GPC5: variants seen among roughly 807,000 people sequenced by gnomAD.
The protein encoded by GPC5 is glypican 5, also known as glypican-5.
GPC5 carries 47 observed loss-of-function variants against 53.9 expected under a neutral mutation model. The observed-to-expected ratio is 0.87, with a 90% confidence interval of 0.69 to 1.11. The LOEUF (loss-of-function observed/expected upper bound fraction) is 1.11. Among genes scored for constraint, GPC5 ranks in the 50% most tolerant of loss-of-function variants. The pLI, the probability that GPC5 is intolerant of heterozygous loss-of-function variation, is 0.00. For synonymous variants in GPC5, 286 were observed against 263.3 expected (o/e 1.09, Z -0.84); for missense variants, 748 against 713.1 (o/e 1.05, Z -0.56).
At chr13:91,915,030 T>C (rs2039645298) in intron 6 of GPC5, among the ~76,000 whole-genome samples, 1 of 152,164 alleles carries the variant, frequency 6.6e-6, no homozygotes. Context: ...ATAGACTCTT[T>C]CCCTTCTTTG....
intron 7 of GPC5, among the ~76,000 whole-genome samples, chr13:92,266,083 G>A (rs747366095): frequency 1.3e-5 from 2 of 152,138 alleles, no homozygotes; most frequent in African/African-American, 2.4e-5. Context: ...TAGCCTAATT[G>A]CCTCTCATTA....
chr13:91,563,368 T>C (rs1339385580), intron 2 of GPC5, among the ~76,000 whole-genome samples: 1 of 152,122 alleles, frequency 6.6e-6, no homozygotes, highest in Non-Finnish European at 1.5e-5. Flanking sequence ...TTCCGTGTAG[T>C]AGCAATTAAA....
At chr13:92,795,186 T>TA (rs772457873) in intron 7 of GPC5, among the ~76,000 whole-genome samples, 1 of 151,850 alleles carries the variant, frequency 6.6e-6, no homozygotes, top group Non-Finnish European at 1.5e-5. Context: ...ACAAAACAGA[T>TA]ATATAGACCA....
intron 1 of GPC5, among the ~76,000 whole-genome samples, chr13:91,434,959 G>A (rs1190474225): frequency 6.6e-6 from 1 of 152,248 alleles, no homozygotes; most frequent in East Asian, 1.9e-4. Flanking sequence ...ATTGTGAATG[G>A]GAGTTCACTC....
chr13:92,518,535 T>C (rs1017996347), intron 7 of GPC5, among the ~76,000 whole-genome samples: 1 of 152,076 alleles, frequency 6.6e-6, no homozygotes, highest in African/African-American at 2.4e-5. Flanking sequence ...CTAAGCTTCA[T>C]AAGTGAAGGA....
intron 7 of GPC5, among the ~76,000 whole-genome samples, chr13:92,770,156 G>A (rs763043839): frequency 6.6e-6 from 1 of 152,122 alleles, no homozygotes; most frequent in Non-Finnish European, 1.5e-5. Flanking sequence ...GCCCATGCCT[G>A]TAATCCCAGC....
At position 91,829,371 on chromosome 13, in the gene GPC5, C is replaced by T. The variant is rs559440258; in HGVS notation, c.1280+72951C>T. 4.1e-4 allele frequency among the ~76,000 whole-genome samples: 63 copies of T among 151,988 alleles called. No homozygotes were observed. The East Asian group carries it at 7.8e-3, about 19-fold the overall frequency. On this transcript the variant is annotated intron_variant, in intron 5 of 7. Coordinates refer to ENST00000377067, the MANE Select transcript of GPC5 (RefSeq NM_004466.6). ...GGCAACTAAATGCAGGAACATGGACCGGATTCAAGACTGGATCCTGTACTG... is the reference window on the plus strand; with the variant it reads ...GGCAACTAAATGCAGGAACATGGACTGGATTCAAGACTGGATCCTGTACTG...
chr13:92,796,362 G>T (rs1259451599), intron 7 of GPC5, among the ~76,000 whole-genome samples: 1 of 151,972 alleles, frequency 6.6e-6, no homozygotes, highest in East Asian at 1.9e-4. Context: ...GGGCCTTTCA[G>T]GGGTGGAGGC....
At chr13:91,635,292 G>A (rs575328774) in intron 2 of GPC5, among the ~76,000 whole-genome samples, 20 of 151,962 alleles carry the variant, frequency 1.3e-4, no homozygotes, top group Non-Finnish European at 2.4e-4. Flanking sequence ...ATGAAAATAC[G>A]AATTGGATAT....
rs1877876590 is a variant in GPC5, at chr13:92,447,504, GA to G, written c.1561+302517del. 9.2e-5 allele frequency: 14 copies of G among 151,772 alleles called. No homozygotes were observed. In the South Asian group the frequency reaches 2.9e-3, roughly 32 times the overall value. The allele number at this position is 151,772 out of a possible 1,614,324, so 9.4% of individuals were successfully genotyped here. Reference sequence around the variant, plus strand: ...TTTAGTAGGGATATATTACTTGTGGGAATTAGGATGGCTTAAAAAAATAGCT... The same window carrying G: ...TTTAGTAGGGATATATTACTTGTGGGATTAGGATGGCTTAAAAAAATAGCT... On this transcript the variant is annotated intron_variant, in intron 7 of 7. Coordinates refer to ENST00000377067, the MANE Select transcript of GPC5 (RefSeq NM_004466.6).
chr13:92,033,988 A>T (rs2040873739), intron 6 of GPC5, among the ~76,000 whole-genome samples: 1 of 152,226 alleles, frequency 6.6e-6, no homozygotes, highest in Non-Finnish European at 1.5e-5. Context: ...TTCCATTAAG[A>T]TATAAATTAA....
chr13:92,751,864 A>C (rs1158237606), intron 7 of GPC5, among the ~76,000 whole-genome samples: 1 of 152,250 alleles, frequency 6.6e-6, no homozygotes, highest in East Asian at 1.9e-4. Flanking sequence ...TTCCGTTTTC[A>C]CAACAGTGGC....
intron 7 of GPC5, among the ~76,000 whole-genome samples, chr13:92,593,599 A>G (rs779526703): frequency 6.6e-6 from 1 of 150,986 alleles, no homozygotes; most frequent in Non-Finnish European, 1.5e-5. Flanking sequence ...TTTTATCAAC[A>G]GAAAGTACGT....
intron 7 of GPC5, among the ~76,000 whole-genome samples, chr13:92,231,079 A>C (rs984607311): frequency 3.3e-5 from 5 of 152,144 alleles, no homozygotes; most frequent in Non-Finnish European, 7.3e-5. Flanking sequence ...ATCCTGTCAA[A>C]TATCAGCTTC....
chr13:92,824,750 A>G lies in GPC5; in HGVS notation c.1562-41532A>G, dbSNP rs9556222. On this transcript the variant is annotated intron_variant, in intron 7 of 7. Coordinates refer to ENST00000377067, the MANE Select transcript of GPC5 (RefSeq NM_004466.6). The stretch of plus-strand genomic sequence containing the variant: ...TGAAAAAAAAAACTTCTCATCTTAC[A>G]GCATAATATGTATATACTTCTAAAA... 0.025 allele frequency among the ~76,000 whole-genome samples: 3,824 copies of G among 151,954 alleles called. 375 individuals carry two copies. The East Asian group carries it at 0.32, about 13-fold the overall frequency.
chr13:92,602,251 T>TATATTACATATATATAA lies in GPC5; in HGVS notation c.1562-264027_1562-264026insTACATATATATAAATAT, dbSNP rs1555294337. Among the ~76,000 whole-genome samples, 15 of 140,068 alleles carry TATATTACATATATATAA rather than the reference T, an allele frequency of 1.1e-4. 1 individual carries two copies. Among genetic ancestry groups the TATATTACATATATATAA allele is most frequent in the Non-Finnish European group, 2.3e-4 (15 of 65,010 alleles). 91.9% of individuals were successfully genotyped at this position (140,068 alleles called of 152,430 possible). ...TATATAACATATATATATATATATATATATATATATATGCACACACACACA... is the reference window on the plus strand; with the variant it reads ...TATATAACATATATATATATATATATATATTACATATATATAAATATATATATATGCACACACACACA... On this transcript the variant is annotated intron_variant, in intron 7 of 7. Coordinates refer to ENST00000377067, the MANE Select transcript of GPC5 (RefSeq NM_004466.6).
intron 6 of GPC5, among the ~76,000 whole-genome samples, chr13:91,927,265 C>A (rs943612256): frequency 9.9e-5 from 15 of 152,126 alleles, no homozygotes; most frequent in African/African-American, 3.6e-4. Flanking sequence ...GTAATTATAA[C>A]ATTATCAGCA....
At chr13:92,256,948 A>T (rs2042730351) in intron 7 of GPC5, among the ~76,000 whole-genome samples, 2 of 152,166 alleles carry the variant, frequency 1.3e-5, no homozygotes, top group Admixed American at 6.6e-5. Flanking sequence ...AAAAATGCTT[A>T]GTAGCTCCCG....
chr13:91,670,517 A>C (rs1220269000), intron 2 of GPC5, among the ~76,000 whole-genome samples: 1 of 152,232 alleles, frequency 6.6e-6, no homozygotes, highest in South Asian at 2.1e-4. Context: ...AGATTAAAGC[A>C]AAACAAAATC....
Sources: allele counts gnomAD v4.1 joint callset (sites outside exome capture counted in the v4.1 genomes callset), GRCh38; gene constraint gnomAD v4.1.1; transcripts MANE v1.5; gene names NCBI Gene and HGNC (gene_info 2026-07-23, HGNC 2026-07-21).